The following SOBP variants were observed in gnomAD, a reference collection of about 807,000 sequenced individuals.
The protein encoded by SOBP is sine oculis binding protein homolog, also known as sine oculis-binding protein homolog.
Under a neutral mutation model 53.6 loss-of-function variants are expected in SOBP, and 4 were observed. The observed-to-expected ratio is 0.07, with a 90% CI of 0.04 to 0.17. The LOEUF (loss-of-function observed/expected upper bound fraction) is 0.17. Ranked by LOEUF, SOBP falls within the 10% of genes least tolerant of loss-of-function variation. SOBP has a pLI of 1.00. For missense variants in SOBP, 1,088 were observed against 1,204.7 expected (o/e 0.90, Z 1.43); for synonymous variants, 584 against 522.6 (o/e 1.12, Z -1.60).
intron 5 of SOBP, among the ~76,000 whole-genome samples, chr6:107,620,460 T>A (rs912943037): frequency 6.6e-6 from 1 of 152,204 alleles, no homozygotes; most frequent in African/African-American, 2.4e-5. Context: ...CTGTCCCTCT[T>A]AGGCAGAGCC....
At chr6:107,559,529 C>T (rs1416091400) in intron 4 of SOBP, among the ~76,000 whole-genome samples, 1 of 152,016 alleles carries the variant, frequency 6.6e-6, no homozygotes, top group Admixed American at 6.5e-5. Context: ...TGAGAATTAC[C>T]ACGTTCGCCT....
chr6:107,509,264 C>G (rs1190219346), intron 3 of SOBP, among the ~76,000 whole-genome samples: 1 of 152,032 alleles, frequency 6.6e-6, no homozygotes, highest in Non-Finnish European at 1.5e-5. Context: ...CATGGTGGCA[C>G]ATGCCTGTAA....
chr6:107,512,459 T>C (rs112767424), intron 3 of SOBP, among the ~76,000 whole-genome samples: 78 of 152,334 alleles, frequency 5.1e-4, no homozygotes, highest in African/African-American at 1.8e-3. Flanking sequence ...CCCTCCAAGT[T>C]TGATGATTGA....
chr6:107,612,843 G>T (rs1476972940), intron 5 of SOBP, among the ~76,000 whole-genome samples: 1 of 152,142 alleles, frequency 6.6e-6, no homozygotes, highest in African/African-American at 2.4e-5. Flanking sequence ...GTGGAATTAT[G>T]TGGCCTTTTT....
intron 5 of SOBP, among the ~76,000 whole-genome samples, chr6:107,617,403 A>G (rs1786833112): frequency 6.6e-6 from 1 of 152,164 alleles, no homozygotes; most frequent in South Asian, 2.1e-4. Flanking sequence ...GCCACCCTCT[A>G]AAAGGCAGGG....
chr6:107,602,568 TAAAA>T (rs71810335), intron 5 of SOBP, among the ~76,000 whole-genome samples: 77 of 102,772 alleles, frequency 7.5e-4, no homozygotes, highest in African/African-American at 2.5e-3. Flanking sequence ...TAAGCCGCGT[TAAAA>T]AAAAAAAAAA....
chr6:107,557,626 G>A (rs1784652441), intron 4 of SOBP, among the ~76,000 whole-genome samples: 1 of 152,166 alleles, frequency 6.6e-6, no homozygotes, highest in Non-Finnish European at 1.5e-5. Flanking sequence ...CCAGGTAGTG[G>A]ATTTGAAACA....
intron 6 of SOBP, among the ~76,000 whole-genome samples, chr6:107,637,625 C>G (rs2115155511): frequency 6.6e-6 from 1 of 152,274 alleles, no homozygotes; most frequent in South Asian, 2.1e-4. Context: ...AGTCAGAAAG[C>G]ATTGGGAATT....
Position 107,634,557 on chromosome 6 carries a change from G to T in SOBP, c.1713G>T (p.Ala571=). 1 of 1,607,136 alleles carries T rather than the reference G, an allele frequency of 6.2e-7. No homozygotes were observed. The change falls in exon 6 of 7, where the codon GCG becomes GCT. Residue 571 remains alanine (A), a synonymous_variant. Coordinates refer to ENST00000317357, the MANE Select transcript of SOBP (RefSeq NM_018013.4). The surrounding 1 kb of genome is among the most constrained non-coding windows in gnomAD (Gnocchi z 4.5). ...NFIPNAPGDS[A]AAGGKPSGHS... is the part of the protein sequence containing the mutation. ...TTCCGAACGCCCCTGGCGACTCCGC[G>T]GCGGCGGGCGGCAAGCCAAGCGGAC... is the stretch of plus-strand genomic sequence containing the variant.
intron 4 of SOBP, among the ~76,000 whole-genome samples, chr6:107,572,629 G>T (rs1246445807): frequency 1.3e-5 from 2 of 152,128 alleles, no homozygotes; most frequent in African/African-American, 4.8e-5. Flanking sequence ...TCTCGAAATG[G>T]TGAGCCAAAT....
intron 4 of SOBP, among the ~76,000 whole-genome samples, chr6:107,549,487 A>G (rs958523644): frequency 6.6e-6 from 1 of 151,586 alleles, no homozygotes; most frequent in Admixed American, 6.6e-5. Context: ...GGTTTCATTT[A>G]GGGTGTCATT....
intron 1 of SOBP, among the ~76,000 whole-genome samples, chr6:107,491,189 A>AGCT (rs1170712829): frequency 6.6e-6 from 1 of 151,670 alleles, no homozygotes; most frequent in Non-Finnish European, 1.5e-5. Context: ...CCAACCAACC[A>AGCT]GCTGCGACGG....
chr6:107,499,938 A>G (rs571052225), intron 1 of SOBP, among the ~76,000 whole-genome samples: 2 of 152,306 alleles, frequency 1.3e-5, no homozygotes, highest in African/African-American at 4.8e-5. Flanking sequence ...ACACATGTAT[A>G]TATATATGAA....
Position 107,634,088 on chromosome 6 carries a change from C to G in SOBP, c.1244C>G (p.Pro415Arg). 1 of 1,601,192 alleles carries G rather than the reference C, an allele frequency of 6.2e-7. No individual in the cohort carries two copies. Among genetic ancestry groups the G allele is most frequent in the Non-Finnish European group, 8.5e-7 (1 of 1,173,316 alleles). ...ATCCGCCCGCCCTTCATCCGCGGGC[C>G]TCCGCACCATGCCTCCAACCCCAAC... The part of the protein sequence containing the change: ...QQIRPPFIRG[P>R]PHHASNPNSP... Residue 415 changes from proline (P) to arginine (R), a missense_variant, in exon 6 of 7, where the codon CCT (proline) becomes CGT (arginine). Physicochemically the swap from Pro to Arg is moderately radical, Grantham distance 103. Coordinates refer to ENST00000317357, the MANE Select transcript of SOBP (RefSeq NM_018013.4). This position sits in a 1 kb window ranked among gnomAD's most constrained non-coding sequence, Gnocchi z 4.5.
chr6:107,572,972 G>A (rs1471858668), intron 4 of SOBP, among the ~76,000 whole-genome samples: 1 of 152,248 alleles, frequency 6.6e-6, no homozygotes, highest in Non-Finnish European at 1.5e-5. Context: ...ACGAATCCTG[G>A]GCTGCTCACG....
chr6:107,569,615 T>C (rs955263328), intron 4 of SOBP, among the ~76,000 whole-genome samples: 1 of 152,260 alleles, frequency 6.6e-6, no homozygotes, highest in Non-Finnish European at 1.5e-5. Context: ...GTATTTTTAC[T>C]GCACAGAAGG....
chr6:107,659,506 GA>G lies in SOBP; in HGVS notation c.*1310del, dbSNP rs1315420734. The stretch of plus-strand genomic sequence containing the variant: ...AAAAGAAAAGAAGAGAAAAAATTAA[GA>G]AAAAAATCAAAAAAGGAAGAAAACT... On this transcript the variant is annotated 3_prime_UTR_variant, in exon 7 of 7. Coordinates refer to ENST00000317357, the MANE Select transcript of SOBP (RefSeq NM_018013.4). 2 of 135,832 alleles carry G rather than the reference GA, an allele frequency of 1.5e-5. No individual in the cohort carries two copies. Among genetic ancestry groups the G allele is most frequent in the Non-Finnish European group, 3.2e-5 (2 of 62,196 alleles). 8.4% of individuals were successfully genotyped at this position (135,832 alleles called of 1,614,324 possible). A position where few individuals can be genotyped will look rare whatever the true frequency, so the allele number is the denominator to read the frequency against.
At chr6:107,606,569 G>T (rs1264904932) in intron 5 of SOBP, among the ~76,000 whole-genome samples, 2 of 152,122 alleles carry the variant, frequency 1.3e-5, no homozygotes, top group African/African-American at 4.8e-5. Context: ...TCCAGCTGTG[G>T]GGGAAAAGGC....
intron 3 of SOBP, among the ~76,000 whole-genome samples, chr6:107,520,720 G>C (rs6930791): frequency 0.93 from 141,353 of 152,218 alleles, 65,939 homozygotes; most frequent in Non-Finnish European, 0.97. Context: ...AGGGACAGTC[G>C]CAGTGCTGAC....
Sources: allele counts gnomAD v4.1 joint callset (sites outside exome capture counted in the v4.1 genomes callset), GRCh38; gene constraint gnomAD v4.1.1; non-coding constraint Gnocchi (gnomAD v3.1); transcripts MANE v1.5; gene names NCBI Gene and HGNC (gene_info 2026-07-23, HGNC 2026-07-21).